MRPS11: variants seen among roughly 807,000 people sequenced by gnomAD.
The protein encoded by MRPS11 is mitochondrial ribosomal protein S11.
MRPS11 carries 27 observed loss-of-function variants against 24.3 expected under a neutral mutation model. The ratio of observed to expected loss-of-function variants is 1.11; its 90% CI spans 0.82 to 1.53. The LOEUF (loss-of-function observed/expected upper bound fraction) is 1.53. MRPS11 is among the 40% of genes most tolerant of loss of function. The probability of loss-of-function intolerance (pLI) is 0.00; values close to 1 mark genes in which losing one functional copy is unlikely to be tolerated. For missense variants in MRPS11, 277 were observed against 256.5 expected (o/e 1.08, Z -0.55); for synonymous variants, 104 against 98.7 (o/e 1.05, Z -0.32).
At position 88,472,722 on chromosome 15, in the gene MRPS11, A is replaced by G. The variant is rs778708096; in HGVS notation, c.278A>G (p.Asn93Ser). The G allele has an allele frequency of 1.9e-6, 3 of 1,609,660 alleles. No individual in the cohort carries two copies. The highest frequency in any genetic ancestry group is 1.7e-5 in the Admixed American group (1 of 59,964). ...ATTGCACACATTAAAGCATCCCACA[A>G]CAAGTAAGTGGGAAGGGAAACACTG... ...IPIAHIKASH[N>S]NTQIQVVSAS... is the part of the protein sequence containing the mutation. The change falls in exon 3 of 6, where the codon AAC (asparagine) becomes AGC (serine). Residue 93 changes from asparagine (N) to serine (S), a missense_variant. Asn to Ser is a conservative substitution (Grantham distance 46). Transcript: ENST00000325844.
At chr15:88,476,625 A>G in intron 4 of MRPS11, 1 of 183,124 alleles carries the variant, frequency 5.5e-6, no homozygotes, top group Non-Finnish European at 1.1e-5. Context: ...GAGATTTTAA[A>G]TGATAATACT....
In MRPS11 at chr15:88,480,002, G is replaced by A. The variant is rs561600065; in HGVS notation, c.*2023G>A. On this transcript the variant is annotated 3_prime_UTR_variant, in exon 6 of 6. Transcript: ENST00000325844. The surrounding 1 kb of genome is among the most constrained non-coding windows in gnomAD (Gnocchi z 5.1). ...ACCTCTGCCAAAACCATGGCCTGAGGGAGAGGGAAGAAATGCCTGGCTGTT... is the reference window on the plus strand; with the variant it reads ...ACCTCTGCCAAAACCATGGCCTGAGAGAGAGGGAAGAAATGCCTGGCTGTT... 3.3e-5 allele frequency: 5 copies of A among 152,300 alleles called. No individual in the cohort carries two copies. The allele number at this position is 152,300 out of a possible 1,614,324, so 9.4% of individuals were successfully genotyped here. A position where few individuals can be genotyped will look rare whatever the true frequency, so the allele number is the denominator to read the frequency against.
chr15:88,477,010 A>C lies in MRPS11; in HGVS notation c.433A>C (p.Ile145Leu), dbSNP rs1357311338. The change falls in exon 5 of 6, where the codon ATC becomes CTC. Residue 145 changes from isoleucine (I) to leucine (L), a missense_variant. Physicochemically the swap from Ile to Leu is conservative, Grantham distance 5. Transcript: ENST00000325844. This position sits in a 1 kb window ranked among gnomAD's most constrained non-coding sequence, Gnocchi z 5.7. ...AAARAKQKGV[I>L]HIRVVVKGLG... ...CCAGAGAGCTAAACAAAAGGGCGTG[A>C]TCCACATCCGAGTTGTGGTGAAAGG... The C allele has an allele frequency of 6.2e-7, 1 of 1,614,050 alleles. No individual in the cohort carries two copies. The highest frequency in any genetic ancestry group is 8.5e-7 in the Non-Finnish European group (1 of 1,179,998).
chr15:88,472,536 A>G, intron 2 of MRPS11, 91 bp from the exon 3 acceptor site: 1 of 1,053,448 alleles, frequency 9.5e-7, no homozygotes, highest in Non-Finnish European at 1.4e-6. Flanking sequence ...AGCAGGGGGC[A>G]CAGAGCTGTT....
rs1437395353 is a variant in MRPS11 at position 88,469,880 on chromosome 15, C to T, written c.182+1856C>T. 1.3e-5 allele frequency among the ~76,000 whole-genome samples: 2 copies of T among 152,066 alleles called. No homozygotes were observed. Among genetic ancestry groups the T allele is most frequent in the African/African-American group, 2.4e-5 (1 of 41,398 alleles). ...TGAGAAAAAGGAGCGAAGGAAGACCCCAAATTTTGTTGGCCTAAACAACTG... is the reference window on the plus strand; with the variant it reads ...TGAGAAAAAGGAGCGAAGGAAGACCTCAAATTTTGTTGGCCTAAACAACTG... On this transcript the variant is annotated intron_variant, in intron 2 of 5. Coordinates refer to ENST00000325844, the MANE Select transcript of MRPS11 (RefSeq NM_022839.5). This position sits in a 1 kb window ranked among gnomAD's most constrained non-coding sequence, Gnocchi z 4.4.
intron 3 of MRPS11, among the ~76,000 whole-genome samples, chr15:88,474,391 C>G (rs1401189884): frequency 1.3e-5 from 2 of 152,000 alleles, no homozygotes; most frequent in Non-Finnish European, 2.9e-5. Flanking sequence ...GAAACCCCGT[C>G]TTTACTAAAA....
chr15:88,467,881 T>TG, intron 1 of MRPS11, 27 bp from the exon 2 acceptor site: 1 of 1,613,526 alleles, frequency 6.2e-7, no homozygotes, highest in East Asian at 2.2e-5. Context: ...CGTTAGGCCG[T>TG]GGCCCTCACC....
intron 2 of MRPS11, among the ~76,000 whole-genome samples, chr15:88,471,780 G>A (rs7176195): frequency 0.067 from 10,272 of 152,250 alleles, 1,199 homozygotes; most frequent in African/African-American, 0.23. Flanking sequence ...GACTAAGACA[G>A]TGGAAGATCT....
In MRPS11 at chr15:88,477,678, C is replaced by G. The variant is rs185145989; in HGVS notation, c.478-194C>G. ...TTTGAGAGGGGAACAGTGTGAAAAC[C>G]TGGTTAAAGGGTTTGGGTGGAGACC... is the stretch of plus-strand genomic sequence containing the variant. On this transcript the variant is annotated intron_variant, in intron 5 of 5. Coordinates refer to ENST00000325844, the MANE Select transcript of MRPS11 (RefSeq NM_022839.5). This position sits in a 1 kb window ranked among gnomAD's most constrained non-coding sequence, Gnocchi z 5.7. Among the ~76,000 whole-genome samples the G allele has an allele frequency of 2.0e-4, 31 of 152,208 alleles. No homozygotes were observed. Among genetic ancestry groups the G allele is most frequent in the Non-Finnish European group, 3.7e-4 (25 of 68,020 alleles).
In MRPS11 at chr15:88,480,363, C is replaced by A. The variant is rs2055907130; in HGVS notation, c.*2384C>A. On this transcript the variant is annotated 3_prime_UTR_variant, in exon 6 of 6. Coordinates refer to ENST00000325844, the MANE Select transcript of MRPS11 (RefSeq NM_022839.5). This position sits in a 1 kb window ranked among gnomAD's most constrained non-coding sequence, Gnocchi z 5.1. Reference sequence around the variant, plus strand: ...CTGTGAGCATCTGGGACTACAGGCGCATGCCACCACACATGGATAATTTTT... The same window carrying A: ...CTGTGAGCATCTGGGACTACAGGCGAATGCCACCACACATGGATAATTTTT... 1 of 152,176 alleles carries A rather than the reference C, an allele frequency of 6.6e-6. No individual in the cohort carries two copies. 9.4% of individuals were successfully genotyped at this position (152,176 alleles called of 1,614,324 possible). A position where few individuals can be genotyped will look rare whatever the true frequency, so the allele number is the denominator to read the frequency against.
At position 88,469,415 on chromosome 15, in the gene MRPS11, C is replaced by T. The variant is rs1001440725; in HGVS notation, c.182+1391C>T. 6.6e-6 allele frequency among the ~76,000 whole-genome samples: 1 copy of T among 152,218 alleles called. No individual in the cohort carries two copies. The highest frequency in any genetic ancestry group is 6.5e-5 in the Admixed American group (1 of 15,280). On this transcript the variant is annotated intron_variant, in intron 2 of 5. Coordinates refer to ENST00000325844, the MANE Select transcript of MRPS11 (RefSeq NM_022839.5). The surrounding 1 kb of genome is among the most constrained non-coding windows in gnomAD (Gnocchi z 4.4). ...TCCCTGACCAAACAGACAAAAAGCC[C>T]TGCCCTCATAGAACTTAAATTCCAG...
At chr15:88,472,180 T>G (rs187605907) in intron 2 of MRPS11, 216 of 153,282 alleles carry the variant, frequency 1.4e-3, no homozygotes, top group Non-Finnish European at 2.8e-3. Flanking sequence ...GGATTCTGGG[T>G]TTTTTTTAAT....
Position 88,469,351 on chromosome 15 carries a change from T to C in MRPS11, c.182+1327T>C, listed in dbSNP as rs891802097. Among the ~76,000 whole-genome samples, 2 of 152,218 alleles carry C rather than the reference T, an allele frequency of 1.3e-5. No homozygotes were observed. Among genetic ancestry groups the C allele is most frequent in the African/African-American group, 4.8e-5 (2 of 41,464 alleles). On this transcript the variant is annotated intron_variant, in intron 2 of 5. Transcript: ENST00000325844. This position sits in a 1 kb window ranked among gnomAD's most constrained non-coding sequence, Gnocchi z 4.4. ...CCAAGATTCTGTTGTAGTCATTTCT[T>C]CAACAATGCCAGGCACTGTTCAGAG...
intron 2 of MRPS11, 80 bp from the exon 3 acceptor site, chr15:88,472,547 A>AT: frequency 8.1e-7 from 1 of 1,239,794 alleles, no homozygotes; most frequent in Non-Finnish European, 1.2e-6. Context: ...CAGAGCTGTT[A>AT]TTTTTTAACC....
chr15:88,468,355 A>C (rs1375120993), intron 2 of MRPS11: 1 of 1,127,088 alleles, frequency 8.9e-7, no homozygotes, highest in Non-Finnish European at 1.1e-6. Context: ...TGCCTCCAAA[A>C]CAAAATGGGG....
chr15:88,476,333 A>C (rs143202150), intron 4 of MRPS11, among the ~76,000 whole-genome samples: 2,464 of 152,342 alleles, frequency 0.016, 50 homozygotes, highest in African/African-American at 0.043. Context: ...TACAGGCCTT[A>C]CAAATGTTCA....
rs767148601 is a variant in MRPS11, at chr15:88,475,289, A to T, written c.411+50A>T. On this transcript the variant is annotated intron_variant, in intron 4 of 5. Coordinates refer to ENST00000325844, the MANE Select transcript of MRPS11 (RefSeq NM_022839.5). The surrounding 1 kb of genome is among the most constrained non-coding windows in gnomAD (Gnocchi z 4.1). ...CTTCTAGTGTGTGTTTGCTTTCTGC[A>T]TGGCTCATCACTGAGTGGAGAATCC... The T allele has an allele frequency of 6.2e-7, 1 of 1,610,660 alleles. No homozygotes were observed. Among genetic ancestry groups the T allele is most frequent in the Non-Finnish European group, 8.5e-7 (1 of 1,178,782 alleles).
In MRPS11 at chr15:88,479,223, C is replaced by A. The variant is rs2055884627; in HGVS notation, c.*1244C>A. ...AGGGTTCCTGGATACGGCACAGAGGCCAAAGGTGGGGGCTCTAGAGACACG... is the reference window on the plus strand; with the variant it reads ...AGGGTTCCTGGATACGGCACAGAGGACAAAGGTGGGGGCTCTAGAGACACG... On this transcript the variant is annotated 3_prime_UTR_variant, in exon 6 of 6. Coordinates refer to ENST00000325844, the MANE Select transcript of MRPS11 (RefSeq NM_022839.5). The A allele has an allele frequency of 6.6e-6, 1 of 152,102 alleles. No homozygotes were observed. The highest frequency in any genetic ancestry group is 1.5e-5 in the Non-Finnish European group (1 of 68,056). 9.4% of individuals were successfully genotyped at this position (152,102 alleles called of 1,614,324 possible).
At position 88,467,970 on chromosome 15, in the gene MRPS11, C is replaced by T. The variant is rs777764544; in HGVS notation, c.128C>T (p.Ala43Val). The part of the protein sequence containing the change: ...ICTGARQLQD[A>V]AAKQKVEQNA... ...ACAGGCGCTCGACAGCTCCAAGACGCTGCGGCCAAGCAGAAAGTTGAACAG... is the reference window on the plus strand; with the variant it reads ...ACAGGCGCTCGACAGCTCCAAGACGTTGCGGCCAAGCAGAAAGTTGAACAG... Residue 43 changes from alanine (A) to valine (V), a missense_variant, in exon 2 of 6, where the codon GCT becomes GTT. Physicochemically the swap from Ala to Val is moderately conservative, Grantham distance 64. Coordinates refer to ENST00000325844, the MANE Select transcript of MRPS11 (RefSeq NM_022839.5). 22 of 1,612,256 alleles carry T rather than the reference C, an allele frequency of 1.4e-5. No homozygotes were observed. The South Asian group carries it at 2.4e-4, about 18-fold the overall frequency.
Sources: allele counts gnomAD v4.1 joint callset (sites outside exome capture counted in the v4.1 genomes callset), GRCh38; gene constraint gnomAD v4.1.1; non-coding constraint Gnocchi (gnomAD v3.1); transcripts MANE v1.5; gene names NCBI Gene and HGNC (gene_info 2026-07-23, HGNC 2026-07-21).